Variants in KCNH8 observed in about 807,000 individuals in gnomAD.
KCNH8 encodes the protein potassium voltage-gated channel subfamily H member 8, also known as voltage-gated delayed rectifier potassium channel KCNH8.
A neutral mutation model predicts 103.6 loss-of-function variants in KCNH8; 70 were observed. The observed-to-expected ratio is 0.68, with a 90% CI of 0.56 to 0.82. The LOEUF is 0.82. Among genes scored for constraint, KCNH8 ranks in the 40% least tolerant of loss-of-function variants. KCNH8 has a pLI of 0.00. For missense variants in KCNH8, 1,217 were observed against 1,329.9 expected (o/e 0.92, Z 1.32); for synonymous variants, 498 against 489.4 (o/e 1.02, Z -0.23).
chr3:19,398,873 T>C (rs971806318), intron 7 of KCNH8, among the ~76,000 whole-genome samples: 1 of 152,040 alleles, frequency 6.6e-6, no homozygotes, highest in African/African-American at 2.4e-5. Context: ...TATCATTTTA[T>C]GTACGAAAGT....
intron 11 of KCNH8, among the ~76,000 whole-genome samples, chr3:19,470,743 A>G (rs903753557): frequency 1.3e-5 from 2 of 152,218 alleles, no homozygotes; most frequent in Admixed American, 1.3e-4. Context: ...AAGCAAAGAT[A>G]GAAATTGTAT....
In KCNH8 at chr3:19,342,596, A is replaced by G; in HGVS notation, c.452A>G (p.Lys151Arg). ...TTTTATTTTCCCCCAGACAAAGTCAAAGGAAGATCAAGAGCAGGGACCCAC... is the reference window on the plus strand; with the variant it reads ...TTTTATTTTCCCCCAGACAAAGTCAGAGGAAGATCAAGAGCAGGGACCCAC... ...TPEDKKEDKVKGRSRAGTHFD... is the reference protein window; with the variant it reads ...TPEDKKEDKVRGRSRAGTHFD... Residue 151 changes from lysine (K) to arginine (R), a missense_variant, in exon 4 of 16, where the codon AAA becomes AGA. Coordinates refer to ENST00000328405, the MANE Select transcript of KCNH8 (RefSeq NM_144633.3). 1 of 1,610,122 alleles carries G rather than the reference A, an allele frequency of 6.2e-7. No homozygotes were observed.
intron 1 of KCNH8, among the ~76,000 whole-genome samples, chr3:19,231,904 T>C (rs952760314): frequency 2.0e-5 from 3 of 152,194 alleles, no homozygotes. Flanking sequence ...GCCAGGTAAA[T>C]ACATTCCTTC....
chr3:19,280,844 G>A (rs1444176225), intron 2 of KCNH8, among the ~76,000 whole-genome samples: 2 of 152,158 alleles, frequency 1.3e-5, no homozygotes, highest in African/African-American at 2.4e-5. Flanking sequence ...ATTGAAGAAC[G>A]AGTGTGTGCT....
intron 3 of KCNH8, among the ~76,000 whole-genome samples, chr3:19,305,331 C>G (rs893819622): frequency 6.6e-6 from 1 of 152,034 alleles, no homozygotes; most frequent in Non-Finnish European, 1.5e-5. Context: ...TTTCATGTAC[C>G]TTGTATTAGG....
At chr3:19,223,664 T>A (rs1239568234) in intron 1 of KCNH8, among the ~76,000 whole-genome samples, 3 of 152,124 alleles carry the variant, frequency 2.0e-5, no homozygotes, top group Non-Finnish European at 4.4e-5. Flanking sequence ...CATTACTAAA[T>A]CACACTGCTA....
chr3:19,504,378 A>G (rs1173896514), intron 11 of KCNH8, among the ~76,000 whole-genome samples: 1 of 152,234 alleles, frequency 6.6e-6, no homozygotes, highest in African/African-American at 2.4e-5. Context: ...ACAACAAAAG[A>G]CACTATCAAC....
chr3:19,342,594 C>A lies in KCNH8; in HGVS notation c.450C>A (p.Val150=). The part of the protein sequence containing the change: ...ITPEDKKEDK[V]KGRSRAGTHF... ...AGTTTTATTTTCCCCCAGACAAAGT[C>A]AAAGGAAGATCAAGAGCAGGGACCC... Residue 150 remains valine, a synonymous_variant, in exon 4 of 16, where the codon GTC becomes GTA. Transcript: ENST00000328405. The A allele has an allele frequency of 1.2e-6, 2 of 1,609,640 alleles. No homozygotes were observed. Among genetic ancestry groups the A allele is most frequent in the South Asian group, 1.1e-5 (1 of 90,894 alleles).
chr3:19,417,877 A>G (rs1475492596), intron 7 of KCNH8, among the ~76,000 whole-genome samples: 1 of 152,196 alleles, frequency 6.6e-6, no homozygotes, highest in East Asian at 1.9e-4. Flanking sequence ...CCTAAGAGAG[A>G]CATACTGTTG....
intron 2 of KCNH8, among the ~76,000 whole-genome samples, chr3:19,258,563 C>A (rs539182215): frequency 6.6e-6 from 1 of 151,926 alleles, no homozygotes; most frequent in Non-Finnish European, 1.5e-5. Flanking sequence ...ATTCTAACTA[C>A]CTGAATCCTG....
chr3:19,209,274 C>T (rs1437996632), intron 1 of KCNH8, among the ~76,000 whole-genome samples: 1 of 152,012 alleles, frequency 6.6e-6, no homozygotes, highest in African/African-American at 2.4e-5. Flanking sequence ...CCCTCACATG[C>T]AAACCAAGTC....
chr3:19,165,301 A>G (rs1222667741), intron 1 of KCNH8, among the ~76,000 whole-genome samples: 1 of 152,214 alleles, frequency 6.6e-6, no homozygotes, highest in Admixed American at 6.5e-5. Flanking sequence ...CGTCCTCTGC[A>G]TTCAATTTTC....
intron 11 of KCNH8, among the ~76,000 whole-genome samples, chr3:19,480,089 C>A (rs1349126656): frequency 2.0e-5 from 3 of 152,178 alleles, no homozygotes; most frequent in Non-Finnish European, 4.4e-5. Context: ...GACTCAAACA[C>A]GGGCTTGTAA....
rs141321956 is a variant in KCNH8, at chr3:19,507,166, G to A, written c.2041-3197G>A. ...GGTTCAAGAGCTTACAGGGAGGAGA[G>A]ACTGAGCTCCTCTCTGTATGGTGGC... On this transcript the variant is annotated intron_variant, in intron 11 of 15. Coordinates refer to ENST00000328405, the MANE Select transcript of KCNH8 (RefSeq NM_144633.3). Among the ~76,000 whole-genome samples, 3 of 152,330 alleles carry A rather than the reference G, an allele frequency of 2.0e-5. No homozygotes were observed. In the East Asian group the frequency reaches 5.8e-4, roughly 29 times the overall value.
chr3:19,380,002 C>T (rs2066267270), intron 5 of KCNH8, among the ~76,000 whole-genome samples: 1 of 152,132 alleles, frequency 6.6e-6, no homozygotes, highest in African/African-American at 2.4e-5. Flanking sequence ...TAACAAATAG[C>T]TGTGTTTATA....
At chr3:19,367,388 C>CTA (rs1346034030) in intron 5 of KCNH8, among the ~76,000 whole-genome samples, 5 of 142,908 alleles carry the variant, frequency 3.5e-5, no homozygotes, top group East Asian at 4.1e-4. Context: ...CACTCTCTCT[C>CTA]TCTCTCTATA....
At chr3:19,357,242 A>G (rs1024258678) in intron 5 of KCNH8, among the ~76,000 whole-genome samples, 1 of 151,838 alleles carries the variant, frequency 6.6e-6, no homozygotes, top group Non-Finnish European at 1.5e-5. Flanking sequence ...AGGGAAAAAT[A>G]TTTGCATCCC....
intron 5 of KCNH8, among the ~76,000 whole-genome samples, chr3:19,354,416 TTGCCAA>T (rs2065849264): frequency 2.0e-5 from 3 of 152,206 alleles, no homozygotes; most frequent in African/African-American, 7.2e-5. Flanking sequence ...AGAGCCCGCA[TTGCCAA>T]GTCAGTCCTA....
At chr3:19,529,068 G>A (rs1309125503) in intron 15 of KCNH8, among the ~76,000 whole-genome samples, 1 of 152,084 alleles carries the variant, frequency 6.6e-6, no homozygotes, top group Non-Finnish European at 1.5e-5. Flanking sequence ...CATGCACCAG[G>A]GCAGTGAAGG....
Sources: allele counts gnomAD v4.1 joint callset (sites outside exome capture counted in the v4.1 genomes callset), GRCh38; gene constraint gnomAD v4.1.1; transcripts MANE v1.5; gene names NCBI Gene and HGNC (gene_info 2026-07-23, HGNC 2026-07-21).